Variants in TENM2 observed in about 807,000 individuals in gnomAD.
The protein encoded by TENM2 is teneurin-2.
In TENM2, 52 loss-of-function variants were observed where a neutral mutation model predicts 245.2. The ratio of observed to expected loss-of-function variants is 0.21; its 90% confidence interval spans 0.17 to 0.27. The LOEUF is 0.27. TENM2 is among the 10% of genes least tolerant of loss of function. TENM2 has a pLI of 1.00. For synonymous variants in TENM2, 1,363 were observed against 1,438.9 expected (o/e 0.95, Z 1.19); for missense variants, 3,046 against 3,666.8 (o/e 0.83, Z 4.37).
At chr5:167,673,093 T>C (rs1028641833) in intron 2 of TENM2, among the ~76,000 whole-genome samples, 1 of 152,106 alleles carries the variant, frequency 6.6e-6, no homozygotes, top group African/African-American at 2.4e-5. Context: ...ATGTCTGTTA[T>C]GGCTGATAGC....
intron 7 of TENM2, among the ~76,000 whole-genome samples, chr5:168,070,618 CAAA>C (rs36098821): frequency 1.5e-5 from 2 of 132,858 alleles, no homozygotes; most frequent in Non-Finnish European, 1.6e-5. Flanking sequence ...TCATCTCTAC[CAAA>C]AAAAAAAAAA....
chr5:168,191,786 A>G (rs1760985810), intron 14 of TENM2, among the ~76,000 whole-genome samples: 1 of 152,088 alleles, frequency 6.6e-6, no homozygotes, highest in Non-Finnish European at 1.5e-5. Context: ...AGCCCCTCTC[A>G]TGAGCCTTTC....
chr5:167,009,186 C>T, the TENM2 span, among the ~76,000 whole-genome samples: 4 of 152,132 alleles, frequency 2.6e-5, no homozygotes, highest in Non-Finnish European at 4.4e-5. Flanking sequence ...ATTACACAAT[C>T]GGATGTACAG....
intron 2 of TENM2, among the ~76,000 whole-genome samples, chr5:167,411,455 G>A (rs568181811): frequency 6.6e-5 from 10 of 151,958 alleles, no homozygotes; most frequent in South Asian, 4.2e-4. Flanking sequence ...AAGAGATGGC[G>A]TATCATTGTT....
chr5:168,155,855 T>G (rs1757106205), intron 12 of TENM2, among the ~76,000 whole-genome samples: 1 of 142,780 alleles, frequency 7.0e-6, no homozygotes, highest in African/African-American at 2.6e-5. Context: ...GTTGAAATAT[T>G]TAGCTTTATC....
At chr5:167,836,716 A>T (rs911118375) in intron 2 of TENM2, among the ~76,000 whole-genome samples, 3 of 152,164 alleles carry the variant, frequency 2.0e-5, no homozygotes, top group Non-Finnish European at 4.4e-5. Flanking sequence ...AATCAGTGAC[A>T]TCAGAGAGGG....
intron 3 of TENM2, among the ~76,000 whole-genome samples, chr5:167,902,345 T>C (rs1200909548): frequency 6.6e-6 from 1 of 152,114 alleles, no homozygotes; most frequent in East Asian, 1.9e-4. Flanking sequence ...TGGACTGGGG[T>C]TGGAATCTGG....
At chr5:168,226,658 T>C (rs1764219039) in intron 24 of TENM2, among the ~76,000 whole-genome samples, 1 of 152,182 alleles carries the variant, frequency 6.6e-6, no homozygotes, top group South Asian at 2.1e-4. Context: ...CTAGACTTCA[T>C]ATTTTCTTGT....
Position 168,051,234 on chromosome 5 carries a change from A to G in TENM2, c.1309+3685A>G, listed in dbSNP as rs141442419. Reference sequence around the variant, plus strand: ...GGATCATTCTCAAAACCTATCACTCATTTTAGATTCAAGTTGTCCTCTATA... The same window carrying G: ...GGATCATTCTCAAAACCTATCACTCGTTTTAGATTCAAGTTGTCCTCTATA... On this transcript the variant is annotated intron_variant, in intron 6 of 28. Coordinates refer to ENST00000518659, the Ensembl canonical transcript of TENM2. 1.8e-3 allele frequency among the ~76,000 whole-genome samples: 278 copies of G among 152,340 alleles called. 6 individuals carry two copies. The East Asian group carries it at 0.026, about 14-fold the overall frequency.
chr5:167,471,186 A>G (rs1379855879), intron 2 of TENM2, among the ~76,000 whole-genome samples: 1 of 152,184 alleles, frequency 6.6e-6, no homozygotes, highest in African/African-American at 2.4e-5. Flanking sequence ...CTTGCTTCCC[A>G]TCTCTACATA....
At chr5:167,496,310 T>G (rs1768813030) in intron 2 of TENM2, among the ~76,000 whole-genome samples, 1 of 152,130 alleles carries the variant, frequency 6.6e-6, no homozygotes, top group Non-Finnish European at 1.5e-5. Flanking sequence ...CTCTTTGCAT[T>G]ACTTCTTTCA....
chr5:166,991,011 GAAA>G, the TENM2 span, among the ~76,000 whole-genome samples: 1 of 151,568 alleles, frequency 6.6e-6, no homozygotes, highest in East Asian at 1.9e-4. Context: ...AAGCAAAAGA[GAAA>G]AAAAGGAAAG....
intron 4 of TENM2, among the ~76,000 whole-genome samples, chr5:167,973,495 G>A (rs186991912): frequency 5.0e-4 from 76 of 152,290 alleles, no homozygotes; most frequent in East Asian, 2.3e-3. Flanking sequence ...ACAGTCTAGT[G>A]GGAGAAAGGT....
the TENM2 span, among the ~76,000 whole-genome samples, chr5:167,235,054 T>G: frequency 6.6e-6 from 1 of 152,204 alleles, no homozygotes; most frequent in Non-Finnish European, 1.5e-5. Flanking sequence ...AGGAATGTAT[T>G]TCCTTGCAGT....
intron 1 of TENM2, among the ~76,000 whole-genome samples, chr5:167,308,548 C>T (rs1755818125): frequency 6.6e-6 from 1 of 152,122 alleles, no homozygotes; most frequent in South Asian, 2.1e-4. Flanking sequence ...CTGTCTCAGC[C>T]CAGGAGACTG....
chr5:167,723,384 C>A (rs1281077363), intron 2 of TENM2, among the ~76,000 whole-genome samples: 1 of 152,170 alleles, frequency 6.6e-6, no homozygotes, highest in Non-Finnish European at 1.5e-5. Flanking sequence ...TCTCCAGTCT[C>A]CCCACCCTTG....
chr5:167,161,960 A>G, the TENM2 span, among the ~76,000 whole-genome samples: 1 of 151,954 alleles, frequency 6.6e-6, no homozygotes, highest in Non-Finnish European at 1.5e-5. Context: ...CAAGGTCAGG[A>G]GATCAACAAC....
chr5:167,280,983 A>G (rs1771023683), upstream of TENM2, among the ~76,000 whole-genome samples: 1 of 152,100 alleles, frequency 6.6e-6, no homozygotes, highest in African/African-American at 2.4e-5. Flanking sequence ...CTTGTAGGGA[A>G]AATAGGGAAA....
intron 2 of TENM2, among the ~76,000 whole-genome samples, chr5:167,631,639 C>T (rs1171226241): frequency 6.6e-6 from 1 of 152,102 alleles, no homozygotes; most frequent in Non-Finnish European, 1.5e-5. Context: ...TACCATATTC[C>T]TACTACTGTT....
Sources: gnomAD v4.1 joint callset for allele counts (sites outside exome capture counted in the v4.1 genomes callset) on GRCh38, gnomAD v4.1.1 for gene constraint, MANE v1.5 for transcripts, NCBI Gene and HGNC (gene_info 2026-07-23, HGNC 2026-07-21) for gene names.